CSNK1G2: variants seen among roughly 807,000 people sequenced by gnomAD.
The protein encoded by CSNK1G2 is casein kinase 1 gamma 2, also known as casein kinase I isoform gamma-2.
CSNK1G2 carries 11 observed loss-of-function variants against 48.0 expected under a neutral mutation model. That is an observed-to-expected ratio of 0.23 (90% CI 0.14 to 0.38). The LOEUF is 0.38. Ranked by LOEUF, CSNK1G2 falls within the 10% of genes least tolerant of loss-of-function variation. CSNK1G2 has a pLI of 1.00. For synonymous variants in CSNK1G2, 337 were observed against 254.1 expected (o/e 1.33, Z -3.10); for missense variants, 446 against 595.5 (o/e 0.75, Z 2.61).
intron 2 of CSNK1G2, chr19:1,975,379 C>T (rs977493518): frequency 1.9e-5 from 19 of 985,356 alleles, no homozygotes; most frequent in East Asian, 1.1e-4. Flanking sequence ...GACACTTTGC[C>T]GGAGAAGGGG....
chr19:1,951,377 T>G (rs1444235120), intron 1 of CSNK1G2, among the ~76,000 whole-genome samples: 3 of 143,348 alleles, frequency 2.1e-5, no homozygotes, highest in Non-Finnish European at 3.0e-5. Flanking sequence ...CACTCCAGCC[T>G]GGGCGACAGA....
At position 1,978,967 on chromosome 19, in the gene CSNK1G2, A is replaced by G; in HGVS notation, c.556A>G (p.Ile186Val). ...PGTKRQHAIHIIDFGLAKEYI... is the reference protein window; with the variant it reads ...PGTKRQHAIHVIDFGLAKEYI... Reference sequence around the variant, plus strand: ...GACCAAGCGGCAGCATGCCATCCACATCATCGACTTCGGGCTGGCCAAGGA... The same window carrying G: ...GACCAAGCGGCAGCATGCCATCCACGTCATCGACTTCGGGCTGGCCAAGGA... The change falls in exon 6 of 12, where the codon ATC becomes GTC. Residue 186 changes from isoleucine to valine, a missense_variant. Transcript: ENST00000255641. This position sits in a 1 kb window ranked among gnomAD's most constrained non-coding sequence, Gnocchi z 7.3. 3 of 1,600,636 alleles carry G rather than the reference A, an allele frequency of 1.9e-6. No individual in the cohort carries two copies. The highest frequency in any genetic ancestry group is 2.5e-6 in the Non-Finnish European group (3 of 1,179,688).
rs750208966 is a variant in CSNK1G2 at position 1,979,100 on chromosome 19, T to TGC, written c.682+17_682+18dup. 59 of 1,584,710 alleles carry TGC rather than the reference T, an allele frequency of 3.7e-5. No homozygotes were observed. Among genetic ancestry groups the TGC allele is most frequent in the Middle Eastern group, 1.7e-4 (1 of 5,986 alleles). On this transcript the variant is annotated splice_region_variant and intron_variant, in intron 6 of 11. Transcript: ENST00000255641. ...AACACGCACCTGGGCAAGGGTGAGC[T>TGC]GCGCGCGCGCGGCGGGGGGCGGGCG...
At position 1,969,644 on chromosome 19, in the gene CSNK1G2, C is replaced by A; in HGVS notation, c.-129C>A. On this transcript the variant is annotated 5_prime_UTR_variant, in exon 2 of 12. Transcript: ENST00000255641. ...CCTGCGTCTCAGTAGCTGGGAGCCA[C>A]GGGCCCACGCCCGCCCACCGGCCGC... 1 of 826,800 alleles carries A rather than the reference C, an allele frequency of 1.2e-6. No homozygotes were observed. The highest frequency in any genetic ancestry group is 1.6e-6 in the Non-Finnish European group (1 of 606,640). The allele number at this position is 826,800 out of a possible 1,614,324, so 51.2% of individuals were successfully genotyped here.
intron 1 of CSNK1G2, among the ~76,000 whole-genome samples, chr19:1,948,448 G>C (rs904841669): frequency 8.7e-5 from 13 of 149,232 alleles, no homozygotes; most frequent in African/African-American, 2.5e-4. Flanking sequence ...GCATGAACCC[G>C]GGAGGCGAAG....
intron 1 of CSNK1G2, among the ~76,000 whole-genome samples, chr19:1,949,841 T>A (rs1037913867): frequency 7.9e-5 from 12 of 152,254 alleles, no homozygotes; most frequent in Non-Finnish European, 1.6e-4. Context: ...TCAGGGACCC[T>A]GCTGTCCTGA....
chr19:1,975,759 G>T, intron 2 of CSNK1G2: 1 of 985,416 alleles, frequency 1.0e-6, no homozygotes, highest in Non-Finnish European at 1.2e-6. Flanking sequence ...AATCTGACCA[G>T]GCACAGTGGC....
At chr19:1,966,307 A>G (rs2015364632) in intron 1 of CSNK1G2, among the ~76,000 whole-genome samples, 1 of 152,232 alleles carries the variant, frequency 6.6e-6, no homozygotes, top group Admixed American at 6.5e-5. Context: ...AGTTGGTCCC[A>G]GGCCTGAAAG....
rs148036935 is a variant in CSNK1G2, at chr19:1,959,073, A to C, written c.-265-10435A>C. Among the ~76,000 whole-genome samples the C allele has an allele frequency of 3.2e-3, 478 of 150,874 alleles. 5 individuals are homozygous for C. The highest frequency in any genetic ancestry group is 0.011 in the African/African-American group (450 of 40,940). ...TTTGTATTAATAACTGAGGTGTGAC[A>C]CTCGGGCTGTACCCGCTAGCTGTGT... On this transcript the variant is annotated intron_variant, in intron 1 of 11. Transcript: ENST00000255641.
intron 2 of CSNK1G2, chr19:1,976,258 C>A: frequency 2.1e-6 from 1 of 469,344 alleles, no homozygotes. Flanking sequence ...CGGGGACCAG[C>A]CCTGGTCCCC....
In CSNK1G2 at chr19:1,980,500, C is replaced by G. The variant is rs1445205192; in HGVS notation, c.*297C>G. 1 of 458,742 alleles carries G rather than the reference C, an allele frequency of 2.2e-6. No homozygotes were observed. Among genetic ancestry groups the G allele is most frequent in the Non-Finnish European group, 3.9e-6 (1 of 254,278 alleles). The allele number at this position is 458,742 out of a possible 1,614,324, so 28.4% of individuals were successfully genotyped here. A position where few individuals can be genotyped will look rare whatever the true frequency, so the allele number is the denominator to read the frequency against. ...AAAAAAAAACAGAGGCCCGCCCTAC[C>G]CCACTCCTGCCCCTCCGTTTCTTTG... On this transcript the variant is annotated 3_prime_UTR_variant, in exon 12 of 12. Coordinates refer to ENST00000255641, the MANE Select transcript of CSNK1G2 (RefSeq NM_001319.7).
rs759031786 is a variant in CSNK1G2 at position 1,978,915 on chromosome 19, C to T, written c.504C>T (p.Pro168=). 1 of 1,602,766 alleles carries T rather than the reference C, an allele frequency of 6.2e-7. No individual in the cohort carries two copies. Among genetic ancestry groups the T allele is most frequent in the Non-Finnish European group, 8.5e-7 (1 of 1,179,628 alleles). Residue 168 remains proline, a synonymous_variant, in exon 6 of 12, where the codon CCC becomes CCT. Coordinates refer to ENST00000255641, the MANE Select transcript of CSNK1G2 (RefSeq NM_001319.7). The surrounding 1 kb of genome is among the most constrained non-coding windows in gnomAD (Gnocchi z 7.3). ...TKSLIYRDVK[P]ENFLVGRPGT... ...GCCTAATCTACCGGGACGTGAAGCC[C>T]GAGAACTTCCTGGTGGGCCGCCCGG...
At chr19:1,965,358 G>C (rs990614928) in intron 1 of CSNK1G2, among the ~76,000 whole-genome samples, 4 of 144,434 alleles carry the variant, frequency 2.8e-5, no homozygotes, top group Non-Finnish European at 6.0e-5. Context: ...ACTCCAGCCT[G>C]GGCGACAGAG....
chr19:1,980,221 C>T lies in CSNK1G2; in HGVS notation c.*18C>T, dbSNP rs567874745. 5.0e-6 allele frequency: 8 copies of T among 1,612,470 alleles called. No homozygotes were observed. The highest frequency in any genetic ancestry group is 4.5e-5 in the East Asian group (2 of 44,876). ...ACAAGTGACCCTGGGCGCGTGCAGC[C>T]CCCTGAATCTTCTCCGTGCAGCCCC... On this transcript the variant is annotated 3_prime_UTR_variant, in exon 12 of 12. Coordinates refer to ENST00000255641, the MANE Select transcript of CSNK1G2 (RefSeq NM_001319.7).
chr19:1,945,006 G>T (rs549984834), intron 1 of CSNK1G2, among the ~76,000 whole-genome samples: 1 of 152,200 alleles, frequency 6.6e-6, no homozygotes, highest in Non-Finnish European at 1.5e-5. Flanking sequence ...AGCAGGACAT[G>T]CCCCGGGTGG....
At chr19:1,956,477 A>G (rs954468223) in intron 1 of CSNK1G2, among the ~76,000 whole-genome samples, 1 of 152,194 alleles carries the variant, frequency 6.6e-6, no homozygotes, top group Non-Finnish European at 1.5e-5. Flanking sequence ...AGATCCTGCC[A>G]CTGCACTCCA....
chr19:1,980,060 T>G, intron 11 of CSNK1G2, 43 bp downstream of exon 11: 1 of 1,588,692 alleles, frequency 6.3e-7, no homozygotes, highest in African/African-American at 1.3e-5. Flanking sequence ...GGGGGTGCCC[T>G]GGGTCCCCAT....
chr19:1,946,528 T>C (rs1225792251), intron 1 of CSNK1G2, among the ~76,000 whole-genome samples: 1 of 151,100 alleles, frequency 6.6e-6, no homozygotes, highest in Admixed American at 6.6e-5. Flanking sequence ...CCTGACCTCG[T>C]GATCTGCCCG....
At chr19:1,962,632 C>T (rs910240661) in intron 1 of CSNK1G2, among the ~76,000 whole-genome samples, 1 of 152,138 alleles carries the variant, frequency 6.6e-6, no homozygotes, top group Non-Finnish European at 1.5e-5. Context: ...CATTGTGCTC[C>T]AGCCTGGGCG....
Sources: gnomAD v4.1 joint callset for allele counts (sites outside exome capture counted in the v4.1 genomes callset) on GRCh38, gnomAD v4.1.1 for gene constraint, Gnocchi (gnomAD v3.1) non-coding constraint, MANE v1.5 for transcripts, NCBI Gene and HGNC (gene_info 2026-07-23, HGNC 2026-07-21) for gene names.